ZNF280C: variants seen among roughly 807,000 people sequenced by gnomAD.
ZNF280C encodes the protein suppressor of hairy wing homolog 3.
Under a neutral mutation model 53.6 loss-of-function variants are expected in ZNF280C, and 14 were observed. That is an observed-to-expected ratio of 0.26 (90% CI 0.17 to 0.41). The LOEUF is 0.41. ZNF280C is among the 10% of genes least tolerant of loss of function. The pLI is 1.00. For synonymous variants in ZNF280C, 203 were observed against 181.1 expected (o/e 1.12, Z -0.97); for missense variants, 416 against 547.1 (o/e 0.76, Z 2.39).
chrX:130,220,509 A>G, intron 12 of ZNF280C, 29 bp from the exon 13 acceptor site: 8 of 1,151,669 alleles, frequency 6.9e-6, no homozygotes, highest in Non-Finnish European at 9.3e-6. Flanking sequence ...AGATATAATA[A>G]CTTCCACCAC....
At chrX:130,222,187 T>G (rs1351441686) in intron 12 of ZNF280C, among the ~76,000 whole-genome samples, 2 of 107,911 alleles carry the variant, frequency 1.9e-5, no homozygotes, top group African/African-American at 6.8e-5. Flanking sequence ...CAGAAACCAC[T>G]CCTTCACCTG....
At chrX:130,210,320 C>T (rs186870251) in intron 15 of ZNF280C, among the ~76,000 whole-genome samples, 120 of 111,909 alleles carry the variant, frequency 1.1e-3, no homozygotes, top group Admixed American at 3.1e-3. Flanking sequence ...CAGTACCTCA[C>T]CATTACTAAA....
chrX:130,248,723 A>G (rs1356169128), intron 2 of ZNF280C, among the ~76,000 whole-genome samples: 1 of 111,952 alleles, frequency 8.9e-6, no homozygotes, highest in Non-Finnish European at 1.9e-5. Flanking sequence ...ATAGCTCCTG[A>G]GCTGGCCAAC....
chrX:130,240,553 T>C (rs759134472), intron 5 of ZNF280C, among the ~76,000 whole-genome samples: 5 of 112,096 alleles, frequency 4.5e-5, no homozygotes, highest in African/African-American at 1.6e-4. Context: ...TATTTAAAAG[T>C]TTAAAAGTGG....
chrX:130,240,093 A>G (rs932494164), intron 5 of ZNF280C, among the ~76,000 whole-genome samples: 1 of 111,592 alleles, frequency 9.0e-6, no homozygotes, highest in Non-Finnish European at 1.9e-5. Context: ...AAAGAAATGA[A>G]AATGTTTAAT....
intron 15 of ZNF280C, among the ~76,000 whole-genome samples, chrX:130,209,989 T>A (rs2032023878): frequency 9.0e-6 from 1 of 111,094 alleles, no homozygotes. Flanking sequence ...ATGAGATTAG[T>A]GCACTTATAA....
intron 2 of ZNF280C, among the ~76,000 whole-genome samples, chrX:130,248,150 C>T (rs963867264): frequency 1.0e-5 from 1 of 96,900 alleles, no homozygotes; most frequent in Admixed American, 1.2e-4. Flanking sequence ...GGAACAGCTG[C>T]CACCGAGGGA....
rs757788274 is a variant in ZNF280C at position 130,243,613 on chromosome X, C to T, written c.331G>A (p.Val111Ile). 8.3e-7 allele frequency: 1 copy of T among 1,210,477 alleles called. No homozygotes were observed. The highest frequency in any genetic ancestry group is 1.1e-6 in the Non-Finnish European group (1 of 894,240). Reference protein sequence around the residue: ...PVAASPRFHLVSKSSQSSVTV... With the variant: ...PVAASPRFHLISKSSQSSVTV... ...ACAGAGCTTTGTGAAGATTTAGATA[C>T]AAGATGAAATCTAGGCGAGGCAGCC... Residue 111 changes from valine to isoleucine, a missense_variant, in exon 5 of 19, where the codon GTA (valine) becomes ATA (isoleucine). Physicochemically the swap from Val to Ile is conservative, Grantham distance 29 (BLOSUM62 3). Transcript: ENST00000370978.
chrX:130,205,061 T>C, intron 18 of ZNF280C, 56 bp downstream of exon 18: 1 of 1,081,562 alleles, frequency 9.2e-7, no homozygotes, highest in African/African-American at 1.9e-5. Context: ...CATTAAAAAA[T>C]ACAACAGTGC....
rs2031941441 is a variant in ZNF280C at position 130,203,833 on chromosome X, G to T, written c.*1144C>A. On this transcript the variant is annotated 3_prime_UTR_variant, in exon 19 of 19. Transcript: ENST00000370978. Reference sequence around the variant, plus strand: ...TGGTTCCCAATACAACCAGAATTTTGATATTCCTTGGACTGCATGCCTGCT... The same window carrying T: ...TGGTTCCCAATACAACCAGAATTTTTATATTCCTTGGACTGCATGCCTGCT... 9.0e-6 allele frequency: 1 copy of T among 110,775 alleles called. No individual in the cohort carries two copies. The highest frequency in any genetic ancestry group is 9.7e-5 in the Admixed American group (1 of 10,326). 9.1% of individuals were successfully genotyped at this position (110,775 alleles called of 1,213,427 possible).
intron 12 of ZNF280C, among the ~76,000 whole-genome samples, chrX:130,222,957 T>A (rs1603241133): frequency 1.8e-5 from 2 of 111,649 alleles, no homozygotes; most frequent in South Asian, 3.7e-4. Context: ...AATACATTTT[T>A]AAAATAATGT....
rs2032098068 is a variant in ZNF280C at position 130,215,972 on chromosome X, T to C, written c.1657A>G (p.Arg553Gly). Reference protein sequence around the residue: ...TSQNTTARNPRKSNASRSKTS... With the variant: ...TSQNTTARNPGKSNASRSKTS... Reference sequence around the variant, plus strand: ...TTAGATCTACTGGCATTAGATTTTCTAGGATTTCTAGCAGTTGTATTTTGA... The same window carrying C: ...TTAGATCTACTGGCATTAGATTTTCCAGGATTTCTAGCAGTTGTATTTTGA... The change falls in exon 14 of 19, where the codon AGA becomes GGA. Residue 553 changes from arginine to glycine, a missense_variant. Coordinates refer to ENST00000370978, the MANE Select transcript of ZNF280C (RefSeq NM_017666.5). 1 of 1,211,358 alleles carries C rather than the reference T, an allele frequency of 8.3e-7. No homozygotes were observed. Among genetic ancestry groups the C allele is most frequent in the East Asian group, 3.0e-5 (1 of 33,841 alleles).
intron 13 of ZNF280C, among the ~76,000 whole-genome samples, chrX:130,219,350 C>G (rs1421200632): frequency 1.8e-5 from 2 of 109,378 alleles, no homozygotes; most frequent in Non-Finnish European, 3.8e-5. Context: ...AGCTGGACAT[C>G]ATGCTGCATG....
intron 8 of ZNF280C, among the ~76,000 whole-genome samples, chrX:130,232,156 T>C (rs2032284463): frequency 9.4e-6 from 1 of 105,989 alleles, no homozygotes; most frequent in African/African-American, 3.5e-5. Flanking sequence ...CCTGCCATTC[T>C]CCAGACTTAC....
rs773474033 is a variant in ZNF280C at position 130,215,339 on chromosome X, G to A, written c.1839-6C>T. The A allele has an allele frequency of 1.7e-6, 2 of 1,153,943 alleles. No individual in the cohort carries two copies. The highest frequency in any genetic ancestry group is 2.8e-5 in the Admixed American group (1 of 35,453). On this transcript the variant is annotated splice_region_variant and splice_polypyrimidine_tract_variant and intron_variant, in intron 14 of 18. Coordinates refer to ENST00000370978, the MANE Select transcript of ZNF280C (RefSeq NM_017666.5). ...TGTGAATTCCCCGACGACACCTTAT[G>A]GAGACGGAAAAAAAAGATAAAAAGA...
rs904394036 is a variant in ZNF280C, at chrX:130,267,287, T to C, written c.-17+1475A>G. The stretch of plus-strand genomic sequence containing the variant: ...AAAGTATGAAAAAGTCGAAAAAAAA[T>C]GAAGCCTTAAAAATAAAAATATAAA... On this transcript the variant is annotated intron_variant, in intron 1 of 18. Coordinates refer to ENST00000370978, the MANE Select transcript of ZNF280C (RefSeq NM_017666.5). Among the ~76,000 whole-genome samples the C allele has an allele frequency of 1.1e-4, 12 of 110,948 alleles. 1 individual carries two copies. Among genetic ancestry groups the C allele is most frequent in the Non-Finnish European group, 1.7e-4 (9 of 52,924 alleles).
rs777768087 is a variant in ZNF280C, at chrX:130,249,803, G to A, written c.32-2798C>T. Among the ~76,000 whole-genome samples, 13 of 111,732 alleles carry A rather than the reference G, an allele frequency of 1.2e-4. No individual in the cohort carries two copies. In the South Asian group the frequency reaches 4.9e-3, roughly 42 times the overall value. ...CACTCTCCAACAAGGGTTCCGAAGG[G>A]GGCTGAGATGGCTGAAAGGACAGAA... On this transcript the variant is annotated intron_variant, in intron 2 of 18. Transcript: ENST00000370978.
intron 5 of ZNF280C, among the ~76,000 whole-genome samples, chrX:130,243,265 C>T (rs2032413238): frequency 9.0e-6 from 1 of 111,710 alleles, no homozygotes; most frequent in Non-Finnish European, 1.9e-5. Flanking sequence ...TCACTGCAGC[C>T]TTGACCTCCA....
chrX:130,264,360 A>G (rs1002086431), intron 1 of ZNF280C, among the ~76,000 whole-genome samples: 4 of 111,651 alleles, frequency 3.6e-5, no homozygotes, highest in Non-Finnish European at 7.5e-5. Context: ...CTACTAATAA[A>G]TTCATCAATG....
Sources: allele counts gnomAD v4.1 joint callset (sites outside exome capture counted in the v4.1 genomes callset), GRCh38; gene constraint gnomAD v4.1.1; transcripts MANE v1.5; gene names NCBI Gene and HGNC (gene_info 2026-07-23, HGNC 2026-07-21).